The following ABCC6 variants were observed in gnomAD, a reference collection of about 807,000 sequenced individuals.
The protein encoded by ABCC6 is ATP-binding cassette sub-family C member 6.
ABCC6 carries 126 observed loss-of-function variants against 169.5 expected under a neutral mutation model. That is an observed-to-expected ratio of 0.74 (90% CI 0.64 to 0.86). The LOEUF is 0.86. Ranked by LOEUF, ABCC6 falls within the 40% of genes least tolerant of loss-of-function variation. The pLI is 0.00. For synonymous variants in ABCC6, 752 were observed against 814.7 expected, an observed-to-expected ratio of 0.92 and a Z score of 1.31; for missense variants, 1,733 against 1,927.2, an observed-to-expected ratio of 0.90 and a Z score of 1.89.
chr16:16,182,980 T>G, intron 15 of ABCC6, 50 bp from the exon 16 acceptor site: 1 of 1,614,080 alleles, frequency 6.2e-7, no homozygotes, highest in Admixed American at 1.7e-5. Context: ...TCAGCCCGCC[T>G]CTGTGAGGAA....
At chr16:16,154,841 C>A in intron 28 of ABCC6, 32 bp downstream of exon 28, 1 of 1,610,554 alleles carries the variant, frequency 6.2e-7, no homozygotes, top group Non-Finnish European at 8.5e-7. Flanking sequence ...ACCATGCCTC[C>A]CATCTTTGCC....
chr16:16,187,290 G>A, intron 13 of ABCC6, 79 bp from the exon 14 acceptor site: 1 of 1,172,450 alleles, frequency 8.5e-7, no homozygotes, highest in African/African-American at 1.5e-5. Flanking sequence ...CTCAAGATGT[G>A]TGGCAACAGC....
At chr16:16,156,247 T>G (rs1201867709) in intron 27 of ABCC6, among the ~76,000 whole-genome samples, 2 of 152,182 alleles carry the variant, frequency 1.3e-5, no homozygotes, top group African/African-American at 4.8e-5. Flanking sequence ...GGTCTGGACC[T>G]CTGGCAATTA....
At chr16:16,206,013 C>T (rs183033170) in intron 7 of ABCC6, among the ~76,000 whole-genome samples, 5 of 152,346 alleles carry the variant, frequency 3.3e-5, no homozygotes, top group Non-Finnish European at 5.9e-5. Flanking sequence ...CTCCTCTCCT[C>T]TGAGCCTTAG....
intron 10 of ABCC6, among the ~76,000 whole-genome samples, chr16:16,197,225 G>T (rs1451353363): frequency 6.6e-6 from 1 of 152,034 alleles, no homozygotes; most frequent in African/African-American, 2.4e-5. Context: ...TGGTTAACTT[G>T]CCTACTGGGT....
intron 10 of ABCC6, among the ~76,000 whole-genome samples, chr16:16,193,946 G>A (rs951014264): frequency 7.9e-5 from 12 of 152,194 alleles, no homozygotes; most frequent in Non-Finnish European, 1.5e-4. Context: ...GCTGTGTCAG[G>A]AGATGCCTGC....
intron 17 of ABCC6, among the ~76,000 whole-genome samples, chr16:16,180,820 A>C (rs1446875428): frequency 6.6e-6 from 1 of 152,054 alleles, no homozygotes; most frequent in African/African-American, 2.4e-5. Context: ...CAGTCATTCC[A>C]CTAATAACCA....
Position 16,161,560 on chromosome 16 carries a change from G to A in ABCC6, c.3511C>T (p.Leu1171Phe). The A allele has an allele frequency of 1.2e-6, 2 of 1,613,894 alleles. No homozygotes were observed. Among genetic ancestry groups the A allele is most frequent in the East Asian group, 2.2e-5 (1 of 44,872 alleles). The change falls in exon 25 of 31, where the codon CTT (leucine) becomes TTT (phenylalanine). Residue 1171 changes from leucine to phenylalanine, a missense_variant. Transcript: ENST00000205557. ...SFPRLVADRW[L>F]AANVELLGNG... ...CCCAGGAGCTCCACATTGGCCGCAAGCCACCTGCAAAGGGAAGCGACAGCA... is the reference window on the plus strand; with the variant it reads ...CCCAGGAGCTCCACATTGGCCGCAAACCACCTGCAAAGGGAAGCGACAGCA...
At chr16:16,161,292 G>A in intron 25 of ABCC6, 146 bp downstream of exon 25, 3 of 1,248,338 alleles carry the variant, frequency 2.4e-6, no homozygotes, top group Admixed American at 2.1e-5. Context: ...TCTGGCTCTT[G>A]TAGAGCTGCG....
chr16:16,197,486 G>A (rs954010584), intron 10 of ABCC6, among the ~76,000 whole-genome samples: 1 of 151,044 alleles, frequency 6.6e-6, no homozygotes, highest in South Asian at 2.1e-4. Flanking sequence ...AGAAGGAGAG[G>A]GAAGAGCAGA....
intron 7 of ABCC6, among the ~76,000 whole-genome samples, chr16:16,204,023 C>G (rs2048322204): frequency 6.6e-6 from 1 of 151,992 alleles, no homozygotes; most frequent in Non-Finnish European, 1.5e-5. Context: ...TTCCAGCTCT[C>G]TGCCTCCAGA....
chr16:16,204,468 C>T (rs557656791), intron 7 of ABCC6, among the ~76,000 whole-genome samples: 31 of 152,292 alleles, frequency 2.0e-4, no homozygotes, highest in African/African-American at 4.6e-4. Context: ...TGGAGAATCA[C>T]GGCTGATGGG....
At chr16:16,185,895 G>T (rs2047642166) in intron 14 of ABCC6, among the ~76,000 whole-genome samples, 1 of 152,298 alleles carries the variant, frequency 6.6e-6, no homozygotes. Flanking sequence ...TTGCCTGAAA[G>T]ATTTTCTAAA....
At chr16:16,175,279 C>A (rs982408995) in intron 20 of ABCC6, among the ~76,000 whole-genome samples, 3 of 152,148 alleles carry the variant, frequency 2.0e-5, no homozygotes, top group African/African-American at 7.2e-5. Context: ...CGCCCACCAC[C>A]CCTGTATAGC....
At chr16:16,172,653 G>C (rs1265360803) in intron 21 of ABCC6, among the ~76,000 whole-genome samples, 1 of 152,144 alleles carries the variant, frequency 6.6e-6, no homozygotes, top group African/African-American at 2.4e-5. Context: ...ATGAGAAACA[G>C]TGTAAGCTTC....
intron 18 of ABCC6, 82 bp downstream of exon 18, chr16:16,178,716 A>AG: frequency 6.6e-7 from 1 of 1,503,998 alleles, no homozygotes; most frequent in Non-Finnish European, 9.3e-7. Flanking sequence ...GGGGGAGGTG[A>AG]GATAAACTTG....
intron 27 of ABCC6, chr16:16,155,298 T>G: frequency 1.7e-6 from 1 of 572,940 alleles, no homozygotes. Context: ...TCCTCCATCT[T>G]TCCTCATCCT....
intron 5 of ABCC6, 66 bp from the exon 6 acceptor site, chr16:16,212,312 ATT>A (rs879019134): frequency 2.0e-3 from 1,484 of 742,250 alleles, no homozygotes; most frequent in Admixed American, 2.7e-3. Flanking sequence ...CGAACTGTGT[ATT>A]TTTTTTTTTT....
chr16:16,176,926 T>C (rs2047296135), intron 19 of ABCC6, among the ~76,000 whole-genome samples: 1 of 152,194 alleles, frequency 6.6e-6, no homozygotes, highest in African/African-American at 2.4e-5. Flanking sequence ...TTTTCAGTCA[T>C]TGTGAGTGAG....
Sources: allele counts gnomAD v4.1 joint callset (sites outside exome capture counted in the v4.1 genomes callset), GRCh38; gene constraint gnomAD v4.1.1; transcripts MANE v1.5; gene names NCBI Gene and HGNC (gene_info 2026-07-23, HGNC 2026-07-21).